The following DMD variants were observed in gnomAD, a reference collection of about 807,000 sequenced individuals.
The protein encoded by DMD is dystrophin, also known as mutant dystrophin.
A neutral mutation model predicts 330.1 loss-of-function variants in DMD; 63 were observed. The ratio of observed to expected loss-of-function variants is 0.19; its 90% CI spans 0.16 to 0.24. The LOEUF (loss-of-function observed/expected upper bound fraction) is 0.24, where lower values mean the gene tolerates loss of function less well. Among genes scored for constraint, DMD ranks in the 10% least tolerant of loss-of-function variants. The pLI is 1.00. For missense variants in DMD, 3,344 were observed against 2,684.1 expected (o/e 1.25, Z -5.43); for synonymous variants, 1,223 against 959.8 (o/e 1.27, Z -5.07).
chrX:32,179,584 AG>A (rs1237038724), intron 44 of DMD, among the ~76,000 whole-genome samples: 10 of 112,285 alleles, frequency 8.9e-5, no homozygotes, highest in African/African-American at 3.2e-4. Flanking sequence ...AATGGTAAAA[AG>A]GACGCCCCCT....
Position 33,056,338 on chromosome X carries a change from C to CTT in DMD, c.32-36140_32-36139dup, listed in dbSNP as rs34961557. Among the ~76,000 whole-genome samples the CTT allele has an allele frequency of 1.1e-3, 112 of 102,757 alleles. No homozygotes were observed. In the Middle Eastern group the frequency reaches 0.02, roughly 18 times the overall value. The allele number at this position is 102,757 out of a possible 115,157, so 89.2% of individuals were successfully genotyped here. Reference sequence around the variant, plus strand: ...AACTCAATTATCTGACCCCTGCGCTCTTTTTTTTTTCTTTTTCTTTTCTTT... The same window carrying CTT: ...AACTCAATTATCTGACCCCTGCGCTCTTTTTTTTTTTTCTTTTTCTTTTCTTT... On this transcript the variant is annotated intron_variant, in intron 1 of 78. Transcript: ENST00000357033.
intron 1 of DMD, among the ~76,000 whole-genome samples, chrX:33,131,931 AG>A (rs890735385): frequency 1.8e-5 from 2 of 112,216 alleles, no homozygotes; most frequent in Admixed American, 9.5e-5. Flanking sequence ...TATAATTAAA[AG>A]GAATTGATTT....
intron 2 of DMD, among the ~76,000 whole-genome samples, chrX:33,012,794 C>T (rs1335769387): frequency 9.0e-6 from 1 of 110,706 alleles, no homozygotes; most frequent in African/African-American, 3.3e-5. Flanking sequence ...TATGTTGTTT[C>T]GAAGGTTAGG....
chrX:32,263,208 C>A (rs2148292955), intron 43 of DMD, among the ~76,000 whole-genome samples: 1 of 111,961 alleles, frequency 8.9e-6, no homozygotes, highest in East Asian at 2.8e-4. Flanking sequence ...TTTTGTTTAT[C>A]ATTTCTTCAA....
At chrX:32,928,703 A>T (rs2089310239) in intron 2 of DMD, among the ~76,000 whole-genome samples, 1 of 112,051 alleles carries the variant, frequency 8.9e-6, no homozygotes, top group Non-Finnish European at 1.9e-5. Context: ...AGAGATTTTT[A>T]AAATATAATT....
At chrX:33,139,685 C>T (rs1407946835) in intron 1 of DMD, among the ~76,000 whole-genome samples, 1 of 109,373 alleles carries the variant, frequency 9.1e-6, no homozygotes, top group Non-Finnish European at 1.9e-5. Context: ...ATGCTTGCTC[C>T]CCCTTCATTT....
chrX:32,886,677 C>T (rs958957500), intron 2 of DMD, among the ~76,000 whole-genome samples: 6 of 110,112 alleles, frequency 5.4e-5, no homozygotes, highest in East Asian at 2.9e-4. Context: ...AGCAAGACTC[C>T]GTCTCAAAAA....
At chrX:32,410,361 T>A (rs1332530188) in intron 30 of DMD, among the ~76,000 whole-genome samples, 1 of 111,636 alleles carries the variant, frequency 9.0e-6, no homozygotes, top group Non-Finnish European at 1.9e-5. Flanking sequence ...TTTAAGCCTA[T>A]CAAAACTACC....
intron 4 of DMD, among the ~76,000 whole-genome samples, chrX:32,825,404 TG>T (rs1484383390): frequency 1.8e-5 from 2 of 111,397 alleles, no homozygotes; most frequent in African/African-American, 6.5e-5. Flanking sequence ...ATTCAGGTAC[TG>T]GGCTCAGACC....
chrX:32,821,792 G>A (rs1178194422), intron 5 of DMD, among the ~76,000 whole-genome samples: 1 of 109,990 alleles, frequency 9.1e-6, no homozygotes, highest in South Asian at 3.9e-4. Context: ...CAATTGCCTA[G>A]GGCTGGGGTG....
intron 55 of DMD, among the ~76,000 whole-genome samples, chrX:31,614,826 G>A (rs969285321): frequency 8.9e-6 from 1 of 111,745 alleles, no homozygotes; most frequent in African/African-American, 3.2e-5. Context: ...ACTGCAAAAG[G>A]ACCTCATGTG....
At chrX:32,450,920 T>G (rs895434040) in intron 26 of DMD, among the ~76,000 whole-genome samples, 1 of 111,133 alleles carries the variant, frequency 9.0e-6, no homozygotes, top group African/African-American at 3.3e-5. Context: ...GCAAAATTTA[T>G]TAATCCAGGT....
At chrX:32,657,934 C>A (rs758528310) in intron 9 of DMD, among the ~76,000 whole-genome samples, 1 of 111,256 alleles carries the variant, frequency 9.0e-6, no homozygotes, top group East Asian at 2.8e-4. Context: ...CAAAATAATT[C>A]AGAAGTAAAC....
chrX:32,823,035 T>C (rs1206056289), intron 5 of DMD, among the ~76,000 whole-genome samples: 1 of 111,697 alleles, frequency 9.0e-6, no homozygotes, highest in African/African-American at 3.2e-5. Context: ...TCACCTATGA[T>C]TGGGACTTTG....
chrX:31,692,042 C>T (rs1392065876), intron 52 of DMD, among the ~76,000 whole-genome samples: 2 of 111,728 alleles, frequency 1.8e-5, no homozygotes, highest in African/African-American at 6.5e-5. Flanking sequence ...CAAGTCTCAA[C>T]AAATTTAAGA....
intron 44 of DMD, among the ~76,000 whole-genome samples, chrX:31,997,879 A>T (rs2095599524): frequency 8.9e-6 from 1 of 111,783 alleles, no homozygotes; most frequent in South Asian, 3.7e-4. Context: ...AGAATGGTTT[A>T]TATCATAAGA....
chrX:31,552,000 T>C (rs924873806), intron 55 of DMD, among the ~76,000 whole-genome samples: 5 of 112,180 alleles, frequency 4.5e-5, no homozygotes, highest in Admixed American at 9.4e-5. Flanking sequence ...AGGTCTGAAG[T>C]CTTTTTGTGT....
At chrX:32,370,790 A>G (rs1008118463) in intron 34 of DMD, among the ~76,000 whole-genome samples, 1 of 111,376 alleles carries the variant, frequency 9.0e-6, no homozygotes, top group African/African-American at 3.3e-5. Context: ...TGATGAGTTG[A>G]GGCAGTTATC....
intron 55 of DMD, among the ~76,000 whole-genome samples, chrX:31,604,831 G>A: frequency 9.0e-6 from 1 of 111,435 alleles, no homozygotes; most frequent in Non-Finnish European, 1.9e-5. Flanking sequence ...ACTGTAGGTG[G>A]TGCTTATAGG....
Sources: gnomAD v4.1 joint callset for allele counts (sites outside exome capture counted in the v4.1 genomes callset) on GRCh38, gnomAD v4.1.1 for gene constraint, MANE v1.5 for transcripts, NCBI Gene and HGNC (gene_info 2026-07-23, HGNC 2026-07-21) for gene names.